Variants in ATR observed in about 807,000 individuals in gnomAD.
The protein encoded by ATR is ATR checkpoint kinase, also known as serine/threonine-protein kinase ATR.
A neutral mutation model predicts 305.3 loss-of-function variants in ATR; 142 were observed. The observed-to-expected ratio is 0.47, with a 90% CI of 0.41 to 0.53. ATR has a LOEUF of 0.53. Among genes scored for constraint, ATR ranks in the 20% least tolerant of loss-of-function variants. The pLI is 0.00. For synonymous variants in ATR, 1,050 were observed against 1,068.1 expected (o/e 0.98, Z 0.33); for missense variants, 2,135 against 3,133.1 (o/e 0.68, Z 7.60).
rs749869958 is a variant in ATR, at chr3:142,457,099, T to G, written c.7655+505A>C. Among the ~76,000 whole-genome samples, 16 of 152,138 alleles carry G rather than the reference T, an allele frequency of 1.1e-4. No homozygotes were observed. In the South Asian group the frequency reaches 1.2e-3, roughly 12 times the overall value. ...AAAAAGAAAATGTAGTATATCCATATAACAGGATACCATTTGGCAATAAAA... is the reference window on the plus strand; with the variant it reads ...AAAAAGAAAATGTAGTATATCCATAGAACAGGATACCATTTGGCAATAAAA... On this transcript the variant is annotated intron_variant, in intron 45 of 46. Coordinates refer to ENST00000350721, the MANE Select transcript of ATR (RefSeq NM_001184.4).
At chr3:142,515,365 TCAG>T in intron 25 of ATR, 27 bp downstream of exon 25, 3 of 1,612,952 alleles carry the variant, frequency 1.9e-6, no homozygotes, top group Non-Finnish European at 2.5e-6. Flanking sequence ...GAATTTCCAT[TCAG>T]TTAACAAACT....
At chr3:142,554,867 G>A (rs577642363) in intron 10 of ATR, among the ~76,000 whole-genome samples, 1 of 152,010 alleles carries the variant, frequency 6.6e-6, no homozygotes, top group South Asian at 2.1e-4. Context: ...GATGCAGACT[G>A]CAGTGAGCCA....
rs747477588 is a variant in ATR, at chr3:142,542,777, A to C, written c.3358-20T>G. On this transcript the variant is annotated intron_variant, in intron 16 of 46. Transcript: ENST00000350721. ...ATCAGCCTAAGAAATAAAAACAGAT[A>C]ATATGTAAGCTTTATACAGATTGAA... 1.9e-6 allele frequency: 3 copies of C among 1,553,922 alleles called. No homozygotes were observed. The South Asian group carries it at 3.4e-5, about 17-fold the overall frequency.
chr3:142,558,556 A>AC (rs879400804), intron 8 of ATR, 68 bp downstream of exon 8: 1 of 1,128,474 alleles, frequency 8.9e-7, no homozygotes, highest in Non-Finnish European at 1.2e-6. Context: ...ATAAATAAAT[A>AC]AATAGATAGA....
intron 21 of ATR, among the ~76,000 whole-genome samples, chr3:142,526,897 C>T (rs1198613855): frequency 1.3e-5 from 2 of 151,998 alleles, no homozygotes; most frequent in Admixed American, 1.3e-4. Context: ...CAAGGTGATC[C>T]TCCCACCTCA....
chr3:142,490,098 A>G (rs549935443), intron 35 of ATR, among the ~76,000 whole-genome samples: 75 of 152,300 alleles, frequency 4.9e-4, no homozygotes, highest in Non-Finnish European at 9.1e-4. Flanking sequence ...TCACTCTGTA[A>G]CTCAGGCTGG....
At chr3:142,520,165 G>A (rs1472324989) in intron 23 of ATR, among the ~76,000 whole-genome samples, 2 of 152,144 alleles carry the variant, frequency 1.3e-5, no homozygotes, top group Non-Finnish European at 2.9e-5. Context: ...CACAAACTGT[G>A]CCCATATAAG....
intron 16 of ATR, among the ~76,000 whole-genome samples, chr3:142,543,394 C>G (rs1174689224): frequency 6.7e-6 from 1 of 149,202 alleles, no homozygotes. Flanking sequence ...CTCCCTCCGT[C>G]CATCCCTTCT....
intron 1 of ATR, among the ~76,000 whole-genome samples, chr3:142,571,507 A>T (rs913693617): frequency 9.8e-5 from 14 of 143,186 alleles, no homozygotes; most frequent in African/African-American, 3.5e-4. Context: ...AAATAAATAA[A>T]TAATCAAAAG....
intron 21 of ATR, among the ~76,000 whole-genome samples, chr3:142,532,657 T>C (rs1411031667): frequency 6.6e-6 from 1 of 152,212 alleles, no homozygotes; most frequent in African/African-American, 2.4e-5. Context: ...ATCATCTTAT[T>C]AACTTTCCTA....
At chr3:142,476,588 G>T (rs2071458659) in intron 36 of ATR, among the ~76,000 whole-genome samples, 1 of 151,498 alleles carries the variant, frequency 6.6e-6, no homozygotes, top group African/African-American at 2.4e-5. Context: ...CTCTTTTTTG[G>T]TTTCATATGA....
At chr3:142,555,765 T>C (rs2034647046) in intron 10 of ATR, 112 bp downstream of exon 10, 3 of 1,304,854 alleles carry the variant, frequency 2.3e-6, no homozygotes, top group Non-Finnish European at 2.1e-6. Context: ...ACTGAATCTA[T>C]AAAGCATGTA....
intron 36 of ATR, among the ~76,000 whole-genome samples, chr3:142,479,128 G>T (rs554945442): frequency 0.088 from 10,297 of 117,384 alleles, 1,042 homozygotes; most frequent in African/African-American, 0.25. Context: ...GATCCTCTCA[G>T]TATGATGTTA....
chr3:142,505,214 A>G lies in ATR; in HGVS notation c.5121T>C (p.Leu1707=), dbSNP rs1457437881. 6.2e-7 allele frequency: 1 copy of G among 1,614,170 alleles called. No homozygotes were observed. Among genetic ancestry groups the G allele is most frequent in the East Asian group, 2.2e-5 (1 of 44,886 alleles). ...KAEPSLKEQI[L]EHESLGLLRD... is the part of the protein sequence containing the mutation. ...TCAGCAAGCCAAGGCTTTCATGTTC[A>G]AGGATCTGTTCTTTTAGAGATGGTT... is the stretch of plus-strand genomic sequence containing the variant. Residue 1707 remains leucine, a synonymous_variant, in exon 29 of 47, where the codon CTT becomes CTC. Coordinates refer to ENST00000350721, the MANE Select transcript of ATR (RefSeq NM_001184.4).
chr3:142,466,703 C>T (rs1293577819), intron 39 of ATR, among the ~76,000 whole-genome samples, 170 bp from the exon 40 acceptor site: 1 of 152,004 alleles, frequency 6.6e-6, no homozygotes, highest in Non-Finnish European at 1.5e-5. Flanking sequence ...AATAATAGTA[C>T]CTACATCATA....
chr3:142,492,290 G>A (rs1267240810), intron 35 of ATR, among the ~76,000 whole-genome samples: 1 of 152,136 alleles, frequency 6.6e-6, no homozygotes, highest in Admixed American at 6.5e-5. Flanking sequence ...TCTCAATCCT[G>A]TAATCTGAAT....
At chr3:142,550,993 G>C (rs2034451610) in intron 13 of ATR, among the ~76,000 whole-genome samples, 1 of 152,128 alleles carries the variant, frequency 6.6e-6, no homozygotes, top group Admixed American at 6.5e-5. Context: ...CACCATGCTA[G>C]CAAGGCTGGT....
chr3:142,453,113 A>G lies in ATR; in HGVS notation c.7761+15T>C, dbSNP rs1407520282. 5 of 1,613,862 alleles carry G rather than the reference A, an allele frequency of 3.1e-6. No homozygotes were observed. Among genetic ancestry groups the G allele is most frequent in the Admixed American group, 1.7e-5 (1 of 60,002 alleles). On this transcript the variant is annotated intron_variant, in intron 46 of 46. Transcript: ENST00000350721. ...TGAGGACTACAGCCCATATCAAGCT[A>G]TACCTTCTACTAACCTTTTCATTGA...
chr3:142,563,819 GA>G (rs1367208089), intron 3 of ATR, among the ~76,000 whole-genome samples: 1 of 152,148 alleles, frequency 6.6e-6, no homozygotes, highest in Non-Finnish European at 1.5e-5. Flanking sequence ...TTAAAACAAA[GA>G]AAAAGTTTTT....
Sources: gnomAD v4.1 joint callset for allele counts (sites outside exome capture counted in the v4.1 genomes callset) on GRCh38, gnomAD v4.1.1 for gene constraint, MANE v1.5 for transcripts, NCBI Gene and HGNC (gene_info 2026-07-23, HGNC 2026-07-21) for gene names.